Variants in ALKAL1 observed in about 807,000 individuals in gnomAD.
ALKAL1 encodes AUG-beta.
A neutral mutation model predicts 13.5 loss-of-function variants in ALKAL1; 23 were observed. The ratio of observed to expected loss-of-function variants is 1.70; its 90% confidence interval spans 1.23 to 2.41. The LOEUF (loss-of-function observed/expected upper bound fraction) is 2.41, where lower values mean the gene tolerates loss of function less well. Among genes scored for constraint, ALKAL1 ranks in the 30% most tolerant of loss-of-function variants. The pLI is 0.00. For synonymous variants in ALKAL1, 85 were observed against 77.7 expected, an observed-to-expected ratio of 1.09 and a Z score of -0.49; for missense variants, 181 against 178.4, an observed-to-expected ratio of 1.01 and a Z score of -0.08.
In ALKAL1 at chr8:52,534,536, T is replaced by G; in HGVS notation, c.*77A>C. On this transcript the variant is annotated 3_prime_UTR_variant, in exon 5 of 5. Coordinates refer to ENST00000358543, the MANE Select transcript of ALKAL1 (RefSeq NM_207413.4). ...TCCATAAAAATATAAATTTCATCTT[T>G]TTTTACATTTTGCATGATTTGAGGC... The G allele has an allele frequency of 1.7e-6, 1 of 591,204 alleles. No individual in the cohort carries two copies. The highest frequency in any genetic ancestry group is 3.0e-6 in the Non-Finnish European group (1 of 337,164). The allele number at this position is 591,204 out of a possible 1,614,324, so 36.6% of individuals were successfully genotyped here. A position where few individuals can be genotyped will look rare whatever the true frequency, so the allele number is the denominator to read the frequency against.
chr8:52,534,899 T>A (rs2150342679), intron 4 of ALKAL1, among the ~76,000 whole-genome samples: 1 of 152,358 alleles, frequency 6.6e-6, no homozygotes, highest in South Asian at 2.1e-4. Flanking sequence ...TTTATTAATC[T>A]GTAGTATTGA....
chr8:52,555,897 T>G (rs145430259), intron 1 of ALKAL1, among the ~76,000 whole-genome samples: 12 of 152,316 alleles, frequency 7.9e-5, no homozygotes, highest in African/African-American at 2.6e-4. Flanking sequence ...ACAAACTTCT[T>G]CCTTCATGAT....
At chr8:52,548,360 AAAG>A (rs1273187835) in intron 1 of ALKAL1, among the ~76,000 whole-genome samples, 32 of 152,116 alleles carry the variant, frequency 2.1e-4, no homozygotes, top group African/African-American at 7.7e-4. Context: ...GAAAAAAAAA[AAAG>A]AAGAAGAAAT....
At chr8:52,561,986 C>T (rs1323514359) in intron 1 of ALKAL1, among the ~76,000 whole-genome samples, 2 of 152,320 alleles carry the variant, frequency 1.3e-5, no homozygotes, top group East Asian at 3.9e-4. Flanking sequence ...ACTGAACCTC[C>T]TCTCTACTCC....
chr8:52,561,471 G>A (rs977224911), intron 1 of ALKAL1, among the ~76,000 whole-genome samples: 1 of 152,172 alleles, frequency 6.6e-6, no homozygotes, highest in Non-Finnish European at 1.5e-5. Context: ...GAGGAATAGC[G>A]TTAAGCACAG....
At chr8:52,544,757 A>G (rs1302291925) in intron 1 of ALKAL1, among the ~76,000 whole-genome samples, 1 of 152,060 alleles carries the variant, frequency 6.6e-6, no homozygotes, top group Non-Finnish European at 1.5e-5. Flanking sequence ...AGTTCTCACC[A>G]CCAAAAAAAA....
rs185025431 is a variant in ALKAL1, at chr8:52,540,252, T to C, written c.245-341A>G. The stretch of plus-strand genomic sequence containing the variant: ...GTGGACAAGAAGTACAAACAATAAG[T>C]ATCTTTGGTTTCTACTTTCTGTTTT... On this transcript the variant is annotated intron_variant, in intron 2 of 4. Coordinates refer to ENST00000358543, the MANE Select transcript of ALKAL1 (RefSeq NM_207413.4). 1.2e-3 allele frequency among the ~76,000 whole-genome samples: 189 copies of C among 152,300 alleles called. 1 individual carries two copies. Among genetic ancestry groups the C allele is most frequent in the South Asian group, 2.5e-3 (12 of 4,816 alleles).
intron 1 of ALKAL1, among the ~76,000 whole-genome samples, chr8:52,561,330 T>C (rs1210473479): frequency 6.6e-6 from 1 of 152,186 alleles, no homozygotes; most frequent in African/African-American, 2.4e-5. Context: ...ATTTGCAAAG[T>C]GAATTTATGG....
At chr8:52,554,284 T>TGA (rs1345610819) in intron 1 of ALKAL1, among the ~76,000 whole-genome samples, 1 of 152,208 alleles carries the variant, frequency 6.6e-6, no homozygotes, top group Non-Finnish European at 1.5e-5. Context: ...TTTCACACCG[T>TGA]GATAAGATTT....
At chr8:52,561,421 TC>T (rs1847549462) in intron 1 of ALKAL1, among the ~76,000 whole-genome samples, 1 of 152,124 alleles carries the variant, frequency 6.6e-6, no homozygotes, top group South Asian at 2.1e-4. Flanking sequence ...TGAATAGAAT[TC>T]CAGCAGGCAG....
At chr8:52,540,947 T>C (rs1847306865) in intron 2 of ALKAL1, among the ~76,000 whole-genome samples, 1 of 152,086 alleles carries the variant, frequency 6.6e-6, no homozygotes, top group South Asian at 2.1e-4. Flanking sequence ...TGGACTTGAC[T>C]AAGTGGGCAA....
At chr8:52,539,494 G>A (rs1039006659) in intron 3 of ALKAL1, among the ~76,000 whole-genome samples, 1 of 152,050 alleles carries the variant, frequency 6.6e-6, no homozygotes, top group African/African-American at 2.4e-5. Context: ...AGAGTTCACA[G>A]TCATCTCATT....
intron 1 of ALKAL1, among the ~76,000 whole-genome samples, chr8:52,550,668 G>A (rs1331269631): frequency 6.6e-6 from 1 of 152,114 alleles, no homozygotes; most frequent in Non-Finnish European, 1.5e-5. Context: ...GAAGTCTTGA[G>A]GGAAGGATCC....
intron 1 of ALKAL1, among the ~76,000 whole-genome samples, chr8:52,544,514 G>A (rs1400439117): frequency 6.6e-6 from 1 of 152,130 alleles, no homozygotes; most frequent in Non-Finnish European, 1.5e-5. Context: ...CAAACTTTGT[G>A]CTTAATTCTG....
At chr8:52,542,813 T>C (rs1847327394) in intron 1 of ALKAL1, among the ~76,000 whole-genome samples, 2 of 152,232 alleles carry the variant, frequency 1.3e-5, no homozygotes, top group South Asian at 4.1e-4. Flanking sequence ...CTTGACTTCC[T>C]TTTTCCCTCA....
Sources: gnomAD v4.1 joint callset for allele counts (sites outside exome capture counted in the v4.1 genomes callset) on GRCh38, gnomAD v4.1.1 for gene constraint, MANE v1.5 for transcripts, NCBI Gene and HGNC (gene_info 2026-07-23, HGNC 2026-07-21) for gene names.